FRS2: variants seen among roughly 807,000 people sequenced by gnomAD.
The protein encoded by FRS2 is fibroblast growth factor receptor substrate 2, also known as FGFR signalling adaptor.
FRS2 carries 8 observed loss-of-function variants against 43.9 expected under a neutral mutation model. That is an observed-to-expected ratio of 0.18 (90% CI 0.11 to 0.33). FRS2 has a LOEUF of 0.33. FRS2 is among the 10% of genes least tolerant of loss of function. FRS2 has a pLI of 1.00. For synonymous variants in FRS2, 219 were observed against 220.3 expected, an observed-to-expected ratio of 0.99 and a Z score of 0.05; for missense variants, 534 against 627.6, an observed-to-expected ratio of 0.85 and a Z score of 1.59.
chr12:69,512,956 T>A (rs1002498976), intron 1 of FRS2, among the ~76,000 whole-genome samples: 4 of 152,184 alleles, frequency 2.6e-5, no homozygotes, highest in African/African-American at 9.7e-5. Flanking sequence ...TAACTTTATT[T>A]TGAAGGGCAA....
At position 69,570,464 on chromosome 12, in the gene FRS2, A is replaced by G. The variant is rs537781022; in HGVS notation, c.200A>G (p.Tyr67Cys). 10 of 1,613,180 alleles carry G rather than the reference A, an allele frequency of 6.2e-6. No individual in the cohort carries two copies. The highest frequency in any genetic ancestry group is 8.5e-6 in the Non-Finnish European group (10 of 1,179,206). ...WHYLCLRRYG[Y>C]DSNLFSFESG... ...TACCTCTGCCTGCGACGCTATGGCT[A>G]TGACTCGAATCTCTTTTCTTTTGAA... Residue 67 changes from tyrosine to cysteine, a missense_variant, in exon 6 of 9, where the codon TAT (tyrosine) becomes TGT (cysteine). Physicochemically the swap from Tyr to Cys is radical, Grantham distance 194. Around this residue, in one of 3 missense-constraint regions of FRS2, gnomAD observed 76 missense variants for 90.5 expected, o/e 0.84. Coordinates refer to ENST00000549921, the MANE Select transcript of FRS2 (RefSeq NM_001278356.2).
intron 3 of FRS2, among the ~76,000 whole-genome samples, chr12:69,540,540 G>C (rs1205099381): frequency 6.6e-6 from 1 of 152,176 alleles, no homozygotes; most frequent in African/African-American, 2.4e-5. Context: ...ATGAATAAAT[G>C]ATTGAATAAA....
chr12:69,553,140 C>G (rs534046211), intron 3 of FRS2, among the ~76,000 whole-genome samples: 4 of 152,082 alleles, frequency 2.6e-5, no homozygotes, highest in Non-Finnish European at 5.9e-5. Flanking sequence ...GGCACAATCT[C>G]GGCTCACTGC....
At chr12:69,485,244 G>T (rs147419335) in intron 1 of FRS2, among the ~76,000 whole-genome samples, 1 of 151,818 alleles carries the variant, frequency 6.6e-6, no homozygotes, top group African/African-American at 2.4e-5. Flanking sequence ...GTGCAGTGGC[G>T]CCGTCTCCGC....
intron 7 of FRS2, among the ~76,000 whole-genome samples, chr12:69,571,725 G>A (rs180808044): frequency 5.9e-4 from 90 of 152,162 alleles, no homozygotes; most frequent in Non-Finnish European, 2.5e-4. Context: ...TTAGCCGGGC[G>A]TGGTGGTGGG....
chr12:69,526,720 G>T (rs1332440935), intron 1 of FRS2, among the ~76,000 whole-genome samples: 2 of 151,644 alleles, frequency 1.3e-5, no homozygotes, highest in Admixed American at 1.3e-4. Flanking sequence ...TCAGAAAAGT[G>T]TAGAAACTTT....
chr12:69,542,917 G>A (rs965306352), intron 3 of FRS2, among the ~76,000 whole-genome samples: 1 of 152,196 alleles, frequency 6.6e-6, no homozygotes, highest in Non-Finnish European at 1.5e-5. Flanking sequence ...AGGAAATAAT[G>A]TGGCTTGGAT....
intron 1 of FRS2, among the ~76,000 whole-genome samples, chr12:69,513,052 C>T (rs1874614585): frequency 6.6e-6 from 1 of 151,966 alleles, no homozygotes; most frequent in Non-Finnish European, 1.5e-5. Context: ...AGGCCTCAGC[C>T]ACTTGTAAGG....
At chr12:69,470,682 G>A (rs940142718) in intron 1 of FRS2, among the ~76,000 whole-genome samples, 152 bp downstream of exon 1, 6 of 148,524 alleles carry the variant, frequency 4.0e-5, no homozygotes, top group African/African-American at 1.2e-4. Flanking sequence ...ACTTCTCCGG[G>A]CCAGCGGGAC....
chr12:69,490,583 G>A (rs1416274138), intron 1 of FRS2, among the ~76,000 whole-genome samples: 2 of 152,068 alleles, frequency 1.3e-5, no homozygotes, highest in African/African-American at 2.4e-5. Context: ...TTGAGATCTA[G>A]ACCATAACCA....
rs962696167 is a variant in FRS2 at position 69,485,386 on chromosome 12, G to A, written c.-261+14856G>A. Among the ~76,000 whole-genome samples the A allele has an allele frequency of 1.2e-4, 19 of 152,144 alleles. No individual in the cohort carries two copies. In the East Asian group the frequency reaches 3.1e-3, roughly 25 times the overall value. On this transcript the variant is annotated intron_variant, in intron 1 of 8. Coordinates refer to ENST00000549921, the MANE Select transcript of FRS2 (RefSeq NM_001278356.2). The stretch of plus-strand genomic sequence containing the variant: ...TTTGGTAGAGACGGGGTTTCACCGT[G>A]TTAGCCAGGATGGTCTCGATCTCCT...
chr12:69,478,512 A>G (rs1403638355), intron 1 of FRS2, among the ~76,000 whole-genome samples: 3 of 152,210 alleles, frequency 2.0e-5, no homozygotes, highest in African/African-American at 4.8e-5. Flanking sequence ...GAGATCACAC[A>G]TCTTCATGAC....
At chr12:69,527,997 A>G (rs1876425933) in intron 1 of FRS2, among the ~76,000 whole-genome samples, 1 of 150,124 alleles carries the variant, frequency 6.7e-6, no homozygotes, top group African/African-American at 2.4e-5. Flanking sequence ...GTAAGTGAAA[A>G]TAGATTGTTC....
intron 3 of FRS2, among the ~76,000 whole-genome samples, chr12:69,538,526 T>C (rs1877562417): frequency 6.6e-6 from 1 of 152,102 alleles, no homozygotes; most frequent in African/African-American, 2.4e-5. Flanking sequence ...ATAAAATGAT[T>C]CATGCCTTTT....
chr12:69,490,182 T>G (rs1461837786), intron 1 of FRS2, among the ~76,000 whole-genome samples: 1 of 152,152 alleles, frequency 6.6e-6, no homozygotes, highest in Non-Finnish European at 1.5e-5. Context: ...AATAGATTGT[T>G]TGAATCTGAG....
At chr12:69,501,264 G>T (rs555927149) in intron 1 of FRS2, among the ~76,000 whole-genome samples, 1 of 151,652 alleles carries the variant, frequency 6.6e-6, no homozygotes, top group East Asian at 1.9e-4. Context: ...AAATAAATAC[G>T]TAGTGTAATT....
chr12:69,497,934 A>G (rs1873057801), intron 1 of FRS2, among the ~76,000 whole-genome samples: 2 of 152,172 alleles, frequency 1.3e-5, no homozygotes, highest in Admixed American at 6.5e-5. Context: ...TCAAATGGTA[A>G]GGTGATTATG....
At chr12:69,494,521 G>A (rs532517262) in intron 1 of FRS2, among the ~76,000 whole-genome samples, 1 of 152,116 alleles carries the variant, frequency 6.6e-6, no homozygotes, top group African/African-American at 2.4e-5. Flanking sequence ...TTTTAAACTG[G>A]GGCTTCTAAA....
chr12:69,507,814 C>A (rs535292856), intron 1 of FRS2, among the ~76,000 whole-genome samples: 1 of 151,906 alleles, frequency 6.6e-6, no homozygotes, highest in Non-Finnish European at 1.5e-5. Flanking sequence ...CACCTTAGGT[C>A]GAAAGTTCAA....
Sources: gnomAD v4.1 joint callset for allele counts (sites outside exome capture counted in the v4.1 genomes callset) on GRCh38, gnomAD v4.1.1 for gene constraint, gnomAD v4.1.1 regional missense constraint, MANE v1.5 for transcripts, NCBI Gene and HGNC (gene_info 2026-07-23, HGNC 2026-07-21) for gene names.